Variants in ACOXL observed in about 807,000 individuals in gnomAD.
The protein encoded by ACOXL is acyl-CoA oxidase like.
Under a neutral mutation model 71.9 loss-of-function variants are expected in ACOXL, and 70 were observed. The ratio of observed to expected loss-of-function variants is 0.97; its 90% CI spans 0.80 to 1.19. The LOEUF is 1.19. Among genes scored for constraint, ACOXL ranks in the 50% most tolerant of loss-of-function variants. ACOXL has a pLI of 0.00. For missense variants in ACOXL, 703 were observed against 736.3 expected (o/e 0.95, Z 0.52); for synonymous variants, 253 against 281.6 (o/e 0.90, Z 1.02).
At chr2:111,014,858 A>G (rs1274584895) in intron 14 of ACOXL, among the ~76,000 whole-genome samples, 1 of 152,248 alleles carries the variant, frequency 6.6e-6, no homozygotes, top group Non-Finnish European at 1.5e-5. Context: ...GGTATGAAGG[A>G]AATTCAATGA....
At chr2:111,102,408 A>G (rs1258158420) in intron 17 of ACOXL, among the ~76,000 whole-genome samples, 4 of 152,094 alleles carry the variant, frequency 2.6e-5, no homozygotes, top group Admixed American at 1.3e-4. Context: ...GGATCATTCT[A>G]TTTTCTTCAT....
chr2:111,074,298 T>A (rs1477557275), intron 16 of ACOXL, among the ~76,000 whole-genome samples: 1 of 152,090 alleles, frequency 6.6e-6, no homozygotes, highest in Non-Finnish European at 1.5e-5. Flanking sequence ...CAGTATGTGA[T>A]GAATAAGAGT....
chr2:111,003,343 T>C (rs548001927), intron 14 of ACOXL, among the ~76,000 whole-genome samples: 1 of 151,482 alleles, frequency 6.6e-6, no homozygotes, highest in East Asian at 1.9e-4. Context: ...AGGTCAGGAA[T>C]TGGAAACCAG....
intron 11 of ACOXL, among the ~76,000 whole-genome samples, chr2:110,926,758 G>A (rs2060285311): frequency 2.0e-5 from 3 of 151,940 alleles, no homozygotes; most frequent in Admixed American, 6.6e-5. Flanking sequence ...CTCCTACATT[G>A]AAATTACTCA....
chr2:110,813,991 A>AC (rs1422690335), intron 9 of ACOXL, among the ~76,000 whole-genome samples: 1 of 152,176 alleles, frequency 6.6e-6, no homozygotes, highest in East Asian at 1.9e-4. Flanking sequence ...TCCGGCCGTT[A>AC]CCCAATGCTG....
At position 110,889,842 on chromosome 2, in the gene ACOXL, C is replaced by A. The variant is rs551932052; in HGVS notation, c.789-18947C>A. The stretch of plus-strand genomic sequence containing the variant: ...ATTTCTCTACCTTGTAATGGAATTG[C>A]TATGTCAAATGGTAACTCTATGTTT... On this transcript the variant is annotated intron_variant, in intron 10 of 17. Coordinates refer to ENST00000439055, the MANE Select transcript of ACOXL (RefSeq NM_001142807.4). Among the ~76,000 whole-genome samples the A allele has an allele frequency of 2.6e-5, 4 of 152,250 alleles. No individual in the cohort carries two copies. In the East Asian group the frequency reaches 5.8e-4, roughly 22 times the overall value.
intron 12 of ACOXL, among the ~76,000 whole-genome samples, chr2:110,955,233 C>T (rs1463170877): frequency 6.6e-6 from 1 of 152,114 alleles, no homozygotes; most frequent in Non-Finnish European, 1.5e-5. Flanking sequence ...AGGCTGATAT[C>T]AATATCTGCT....
At chr2:111,060,386 C>T (rs1250026245) in intron 16 of ACOXL, among the ~76,000 whole-genome samples, 1 of 152,166 alleles carries the variant, frequency 6.6e-6, no homozygotes. Context: ...AAATTAGGGA[C>T]CTCTACCCTT....
At chr2:110,880,023 G>A (rs1364293428) in intron 10 of ACOXL, among the ~76,000 whole-genome samples, 2 of 151,910 alleles carry the variant, frequency 1.3e-5, no homozygotes, top group African/African-American at 2.4e-5. Context: ...GCAGGTGCCT[G>A]TAATCCCAGC....
intron 14 of ACOXL, among the ~76,000 whole-genome samples, chr2:111,013,703 C>T (rs990551334): frequency 6.6e-6 from 1 of 151,878 alleles, no homozygotes; most frequent in Non-Finnish European, 1.5e-5. Flanking sequence ...AAGAAAGCTC[C>T]AGGTCCAGAT....
intron 10 of ACOXL, among the ~76,000 whole-genome samples, chr2:110,881,076 A>G (rs992996661): frequency 6.6e-6 from 1 of 151,928 alleles, no homozygotes; most frequent in Non-Finnish European, 1.5e-5. Flanking sequence ...AGTTTCTAAT[A>G]TATTTTTTCC....
At chr2:111,058,685 A>G (rs1234071855) in intron 16 of ACOXL, among the ~76,000 whole-genome samples, 1 of 152,228 alleles carries the variant, frequency 6.6e-6, no homozygotes, top group Non-Finnish European at 1.5e-5. Flanking sequence ...ATAGATAAAA[A>G]CTTTGAGATG....
intron 2 of ACOXL, among the ~76,000 whole-genome samples, chr2:110,771,654 T>C (rs1189791475): frequency 1.6e-4 from 25 of 152,142 alleles, no homozygotes; most frequent in Admixed American, 1.6e-3. Flanking sequence ...ACAATATGAG[T>C]CTGATTGCAG....
intron 10 of ACOXL, among the ~76,000 whole-genome samples, chr2:110,907,224 G>A (rs1393822687): frequency 6.6e-6 from 1 of 152,176 alleles, no homozygotes; most frequent in Non-Finnish European, 1.5e-5. Flanking sequence ...TCAGAGCATG[G>A]GTGTGGGGAG....
chr2:111,077,014 C>G (rs2067635714), intron 16 of ACOXL, among the ~76,000 whole-genome samples: 2 of 152,130 alleles, frequency 1.3e-5, no homozygotes, highest in Non-Finnish European at 2.9e-5. Context: ...CCAGAATAAT[C>G]TCTCCATTTT....
At chr2:111,033,992 G>A (rs2065394732) in intron 15 of ACOXL, among the ~76,000 whole-genome samples, 1 of 152,242 alleles carries the variant, frequency 6.6e-6, no homozygotes, top group South Asian at 2.1e-4. Flanking sequence ...AAACATGACA[G>A]TTGAGCCTTG....
chr2:110,783,694 CAT>C (rs34392772), intron 2 of ACOXL, among the ~76,000 whole-genome samples: 1,842 of 152,250 alleles, frequency 0.012, 55 homozygotes, highest in African/African-American at 0.038. Context: ...TACATGGACA[CAT>C]GTGCACACAG....
At chr2:110,784,890 C>T (rs1683768320) in intron 3 of ACOXL, 75 bp downstream of exon 3, 12 of 1,389,792 alleles carry the variant, frequency 8.6e-6, no homozygotes, top group South Asian at 1.4e-5. Context: ...ACTATAACCC[C>T]GTGAGCTCTC....
chr2:111,097,285 T>G (rs1016826326), intron 17 of ACOXL, among the ~76,000 whole-genome samples: 1 of 152,224 alleles, frequency 6.6e-6, no homozygotes, highest in South Asian at 2.1e-4. Context: ...TTCATTGTTA[T>G]TCTATATGAC....
Sources: allele counts gnomAD v4.1 joint callset (sites outside exome capture counted in the v4.1 genomes callset), GRCh38; gene constraint gnomAD v4.1.1; transcripts MANE v1.5; gene names NCBI Gene and HGNC (gene_info 2026-07-23, HGNC 2026-07-21).